Variants in ARB2A observed in about 807,000 individuals in gnomAD.
The protein encoded by ARB2A is ARB2 cotranscriptional regulator A, also known as cotranscriptional regulator ARB2A.
At chr5:93,741,231 C>T in the ARB2A span, 2 of 1,613,890 alleles carry the variant, frequency 1.2e-6, no homozygotes, top group Non-Finnish European at 1.7e-6. Context: ...GCGGCAACTT[C>T]GGAATGCTCC....
At chr5:93,922,299 A>T in the ARB2A span, among the ~76,000 whole-genome samples, 2 of 151,922 alleles carry the variant, frequency 1.3e-5, no homozygotes, top group Non-Finnish European at 1.5e-5. Flanking sequence ...AAAATTGAAG[A>T]GGCAGTGAAG....
the ARB2A span, among the ~76,000 whole-genome samples, chr5:93,629,321 A>G: frequency 1.3e-5 from 2 of 152,232 alleles, no homozygotes; most frequent in African/African-American, 4.8e-5. Context: ...CATAACAGAT[A>G]TAAAAATAAA....
At chr5:93,705,274 A>G in the ARB2A span, among the ~76,000 whole-genome samples, 1 of 152,196 alleles carries the variant, frequency 6.6e-6, no homozygotes, top group African/African-American at 2.4e-5. Context: ...ATCTCAAGGC[A>G]TATATGTAAT....
At chr5:93,655,593 G>C in the ARB2A span, among the ~76,000 whole-genome samples, 2 of 152,146 alleles carry the variant, frequency 1.3e-5, no homozygotes, top group African/African-American at 4.8e-5. Context: ...AGACCAGTTA[G>C]TAATACGCAA....
chr5:93,856,112 C>G, the ARB2A span, among the ~76,000 whole-genome samples: 14 of 151,984 alleles, frequency 9.2e-5, no homozygotes, highest in Non-Finnish European at 1.9e-4. Context: ...ATACAGAGTA[C>G]AAGCCACTCT....
At chr5:93,960,492 T>C in the ARB2A span, among the ~76,000 whole-genome samples, 2 of 152,148 alleles carry the variant, frequency 1.3e-5, no homozygotes, top group Admixed American at 1.3e-4. Context: ...AGAACGTAAG[T>C]CCAGGCAGGC....
chr5:93,914,831 G>A, the ARB2A span, among the ~76,000 whole-genome samples: 1 of 151,850 alleles, frequency 6.6e-6, no homozygotes, highest in Non-Finnish European at 1.5e-5. Flanking sequence ...AGAAGAACTC[G>A]TGAAAATCTT....
chr5:93,993,571 A>G, the ARB2A span, among the ~76,000 whole-genome samples: 1 of 152,144 alleles, frequency 6.6e-6, no homozygotes, highest in Non-Finnish European at 1.5e-5. Flanking sequence ...GACATAAAAG[A>G]TGGTGGGAGA....
chr5:94,082,878 G>A, the ARB2A span, among the ~76,000 whole-genome samples: 9 of 152,090 alleles, frequency 5.9e-5, no homozygotes, highest in African/African-American at 2.2e-4. Flanking sequence ...AAGAGAATTA[G>A]AAATTTGAAA....
the ARB2A span, among the ~76,000 whole-genome samples, chr5:93,926,940 G>A: frequency 3.3e-5 from 5 of 151,346 alleles, no homozygotes; most frequent in African/African-American, 1.2e-4. Context: ...AGCAAAGACA[G>A]AGGAAGAAAA....
At chr5:93,689,568 C>CT in the ARB2A span, among the ~76,000 whole-genome samples, 10 of 152,182 alleles carry the variant, frequency 6.6e-5, no homozygotes, top group Non-Finnish European at 1.2e-4. Context: ...TTAGACTCAC[C>CT]TTTTGCTCTT....
chr5:93,894,008 T>A, the ARB2A span, among the ~76,000 whole-genome samples: 2 of 152,192 alleles, frequency 1.3e-5, no homozygotes, highest in African/African-American at 4.8e-5. Context: ...TGCAGGGCAA[T>A]GTATAGACAA....
the ARB2A span, among the ~76,000 whole-genome samples, chr5:93,685,264 GT>G: frequency 1.2e-4 from 19 of 152,068 alleles, no homozygotes; most frequent in African/African-American, 4.6e-4. Flanking sequence ...GCTTATATTA[GT>G]TTTTTTAAAT....
At chr5:93,746,104 A>T in the ARB2A span, among the ~76,000 whole-genome samples, 1 of 152,218 alleles carries the variant, frequency 6.6e-6, no homozygotes, top group Non-Finnish European at 1.5e-5. Context: ...ACTACCTGAA[A>T]ATACACTGAA....
the ARB2A span, among the ~76,000 whole-genome samples, chr5:94,032,439 A>C: frequency 2.0e-5 from 3 of 152,188 alleles, no homozygotes; most frequent in Non-Finnish European, 2.9e-5. Context: ...ACTATTGCAA[A>C]ATAGACACCA....
chr5:93,949,547 G>A, the ARB2A span, among the ~76,000 whole-genome samples: 12 of 152,042 alleles, frequency 7.9e-5, no homozygotes, highest in South Asian at 1.7e-3. Context: ...GCAACAGAGC[G>A]AGAGTCTCTA....
chr5:93,937,660 A>G, the ARB2A span, among the ~76,000 whole-genome samples: 6 of 151,232 alleles, frequency 4.0e-5, no homozygotes, highest in Non-Finnish European at 8.8e-5. Flanking sequence ...GGGTATACAT[A>G]TAATTGTGTG....
At chr5:93,674,083 C>G in the ARB2A span, among the ~76,000 whole-genome samples, 3 of 152,056 alleles carry the variant, frequency 2.0e-5, no homozygotes, top group African/African-American at 7.2e-5. Flanking sequence ...TATAATCAGA[C>G]AAGACATATA....
At chr5:93,871,350 G>C in the ARB2A span, among the ~76,000 whole-genome samples, 2 of 152,122 alleles carry the variant, frequency 1.3e-5, no homozygotes, top group African/African-American at 4.8e-5. Context: ...ATGGGTAAAA[G>C]ATCCATTCAA....
Sources: gnomAD v4.1 joint callset for allele counts (sites outside exome capture counted in the v4.1 genomes callset) on GRCh38, gnomAD v4.1.1 for gene constraint, MANE v1.5 for transcripts, NCBI Gene and HGNC (gene_info 2026-07-23, HGNC 2026-07-21) for gene names.